The following DGCR6L variants were observed in gnomAD, a reference collection of about 807,000 sequenced individuals.
The protein encoded by DGCR6L is protein DGCR6L.
A neutral mutation model predicts 31.1 loss-of-function variants in DGCR6L; 24 were observed. That is an observed-to-expected ratio of 0.77 (90% confidence interval 0.56 to 1.08). The LOEUF is 1.08. Ranked by LOEUF, DGCR6L falls within the 50% of genes least tolerant of loss-of-function variation. DGCR6L has a pLI of 0.00. For missense variants in DGCR6L, 218 were observed against 287.1 expected, an observed-to-expected ratio of 0.76 and a Z score of 1.74; for synonymous variants, 104 against 126.1, an observed-to-expected ratio of 0.82 and a Z score of 1.17.
rs751078269 is a variant in DGCR6L at position 20,319,628 on chromosome 22, C to A, written c.271+11G>T. 6.2e-7 allele frequency: 1 copy of A among 1,610,314 alleles called. No homozygotes were observed. On this transcript the variant is annotated intron_variant, in intron 2 of 4. Transcript: ENST00000248879. ...GAGGAGGCGGCACCTCATCCCGCTG[C>A]CCCCGCGCACCTCGGTGCTCGTTCT...
chr22:20,316,955 C>A (rs1220980199), intron 2 of DGCR6L, among the ~76,000 whole-genome samples: 5 of 152,336 alleles, frequency 3.3e-5, no homozygotes, highest in African/African-American at 1.2e-4. Context: ...GATCATGGGA[C>A]ATAAACCACC....
rs757426984 is a variant in DGCR6L at position 20,315,034 on chromosome 22, G to A, written c.514-210C>T. The A allele has an allele frequency of 1.2e-5, 15 of 1,288,328 alleles. No homozygotes were observed. The African/African-American group carries it at 1.2e-4, about 10-fold the overall frequency. 79.8% of individuals were successfully genotyped at this position (1,288,328 alleles called of 1,614,324 possible). A position where few individuals can be genotyped will look rare whatever the true frequency, so the allele number is the denominator to read the frequency against. ...CCCCCAGCAGGGCCACTCGGAATCT[G>A]AGCCTCTGCCCCCAGCAGGGCCACT... On this transcript the variant is annotated intron_variant, in intron 4 of 4. Transcript: ENST00000248879.
chr22:20,319,742 G>C lies in DGCR6L; in HGVS notation c.168C>G (p.Leu56=). 6.2e-7 allele frequency: 1 copy of C among 1,612,812 alleles called. No individual in the cohort carries two copies. Residue 56 remains leucine (L), a synonymous_variant, in exon 2 of 5, where the codon CTC becomes CTG. Transcript: ENST00000248879. ...TTLSDLALAL[L]DGTVFEIVQG... is the part of the protein sequence containing the mutation. Reference sequence around the variant, plus strand: ...GCACGATTTCGAACACGGTGCCGTCGAGAAGCGCCAGGGCCAGGTCGCTGA... The same window carrying C: ...GCACGATTTCGAACACGGTGCCGTCCAGAAGCGCCAGGGCCAGGTCGCTGA...
intron 3 of DGCR6L, among the ~76,000 whole-genome samples, chr22:20,315,737 C>T (rs2051566565): frequency 6.6e-6 from 1 of 152,200 alleles, no homozygotes; most frequent in South Asian, 2.1e-4. Flanking sequence ...GCACACCCTG[C>T]CCCACGGCTT....
chr22:20,315,220 C>T (rs1286208647), intron 4 of DGCR6L, 116 bp downstream of exon 4: 1 of 1,538,090 alleles, frequency 6.5e-7, no homozygotes, highest in South Asian at 1.2e-5. Context: ...GAGCCTCAAT[C>T]CTTCCACTTC....
At chr22:20,319,176 C>T (rs576358491) in intron 2 of DGCR6L, among the ~76,000 whole-genome samples, 1 of 152,320 alleles carries the variant, frequency 6.6e-6, no homozygotes, top group African/African-American at 2.4e-5. Context: ...GGGAGGGCGC[C>T]ACAGGAGACA....
chr22:20,319,964 C>T lies in DGCR6L; in HGVS notation c.25G>A (p.Glu9Lys), dbSNP rs1345289041. The T allele has an allele frequency of 3.7e-6, 6 of 1,602,372 alleles. No individual in the cohort carries two copies. Among genetic ancestry groups the T allele is most frequent in the Non-Finnish European group, 5.1e-6 (6 of 1,176,152 alleles). MERYAAAL[E>K]EVADGARQQE... Reference sequence around the variant, plus strand: ...TGCCGGGCACCGTCCGCCACCTCCTCCAAGGCGGCCGCGTAGCGCTCCATG... The same window carrying T: ...TGCCGGGCACCGTCCGCCACCTCCTTCAAGGCGGCCGCGTAGCGCTCCATG... Residue 9 changes from glutamate to lysine, a missense_variant, in exon 1 of 5, where the codon GAG (glutamate) becomes AAG (lysine). Transcript: ENST00000248879.
rs777409901 is a variant in DGCR6L, at chr22:20,319,963, T to A, written c.26A>T (p.Glu9Val). MERYAAAL[E>V]EVADGARQQE... ...CTGCCGGGCACCGTCCGCCACCTCC[T>A]CCAAGGCGGCCGCGTAGCGCTCCAT... The change falls in exon 1 of 5, where the codon GAG becomes GTG. Residue 9 changes from glutamate (E) to valine (V), a missense_variant. This residue lies in a region of DGCR6L where 77 missense variants were observed against 71.2 expected (regional missense o/e 1.08). Coordinates refer to ENST00000248879, the MANE Select transcript of DGCR6L (RefSeq NM_033257.4). 11 of 1,603,314 alleles carry A rather than the reference T, an allele frequency of 6.9e-6. No individual in the cohort carries two copies. The highest frequency in any genetic ancestry group is 9.4e-6 in the Non-Finnish European group (11 of 1,176,446).
intron 2 of DGCR6L, among the ~76,000 whole-genome samples, chr22:20,319,204 G>A (rs574408476): frequency 2.6e-5 from 4 of 152,342 alleles, no homozygotes; most frequent in Admixed American, 2.6e-4. Flanking sequence ...GGAATTTGAT[G>A]TGCAACTGGA....
In DGCR6L at chr22:20,316,092, C is replaced by G. The variant is rs747466675; in HGVS notation, c.372+27G>C. 4 of 1,579,830 alleles carry G rather than the reference C, an allele frequency of 2.5e-6. No homozygotes were observed. The African/African-American group carries it at 5.4e-5, about 21-fold the overall frequency. The stretch of plus-strand genomic sequence containing the variant: ...GGTGGTGCCCACAGGAGAGCTGGGC[C>G]GGCCACCCTGCCTGCGCCCCCAGTA... On this transcript the variant is annotated intron_variant, in intron 3 of 4. Coordinates refer to ENST00000248879, the MANE Select transcript of DGCR6L (RefSeq NM_033257.4).
chr22:20,315,335 C>T lies in DGCR6L; in HGVS notation c.513+1G>A, dbSNP rs2051563614. The T allele has an allele frequency of 6.2e-7, 1 of 1,612,470 alleles. No homozygotes were observed. The highest frequency in any genetic ancestry group is 1.1e-5 in the South Asian group (1 of 90,848). ...AGGGCAGAGCAGGCCCAGGCACTGA[C>T]CTGTGGGTTGGTGGTCACGTAGAAG... is the stretch of plus-strand genomic sequence containing the variant. On this transcript the variant is annotated splice_donor_variant, in intron 4 of 4. Coordinates refer to ENST00000248879, the MANE Select transcript of DGCR6L (RefSeq NM_033257.4). LOFTEE classifies it high-confidence loss of function.
In DGCR6L at chr22:20,314,794, G is replaced by C. The variant is rs761182237; in HGVS notation, c.544C>G (p.Leu182Val). The C allele has an allele frequency of 1.2e-6, 2 of 1,611,932 alleles. No homozygotes were observed. The highest frequency in any genetic ancestry group is 1.3e-5 in the African/African-American group (1 of 74,890). Residue 182 changes from leucine to valine, a missense_variant, in exon 5 of 5, where the codon CTC (leucine) becomes GTC (valine). By Grantham distance (32) the Leu-to-Val change is conservative. Coordinates refer to ENST00000248879, the MANE Select transcript of DGCR6L (RefSeq NM_033257.4). ...CCCCTCTGCTGCAGCTTTCGGATGA[G>C]TTCCAGCAGGTTCATCTGCAGCATC... ...ELMLQMNLLE[L>V]IRKLQQRGCR... is the part of the protein sequence containing the mutation.
chr22:20,317,757 A>T (rs1318284022), intron 2 of DGCR6L, among the ~76,000 whole-genome samples: 1 of 152,278 alleles, frequency 6.6e-6, no homozygotes, highest in Non-Finnish European at 1.5e-5. Context: ...AGGTGCCTGG[A>T]GCGCCCCCAA....
At chr22:20,316,621 G>A (rs2051573240) in intron 2 of DGCR6L, among the ~76,000 whole-genome samples, 1 of 152,248 alleles carries the variant, frequency 6.6e-6, no homozygotes, top group African/African-American at 2.4e-5. Flanking sequence ...TGGGAAAGGA[G>A]CAGGAGGAGC....
chr22:20,317,324 T>TG (rs1218726337), intron 2 of DGCR6L, among the ~76,000 whole-genome samples: 17 of 152,298 alleles, frequency 1.1e-4, no homozygotes, highest in Non-Finnish European at 8.8e-5. Flanking sequence ...ACTCTACTGA[T>TG]CAAACATTGC....
chr22:20,318,820 A>G (rs1467330089), intron 2 of DGCR6L: 1 of 152,176 alleles, frequency 6.6e-6, no homozygotes. Flanking sequence ...CATCTCACCA[A>G]AAAGACTTAC....
At position 20,319,749 on chromosome 22, in the gene DGCR6L, G is replaced by T; in HGVS notation, c.161C>A (p.Ala54Glu). 6.2e-7 allele frequency: 1 copy of T among 1,612,670 alleles called. No homozygotes were observed. The change falls in exon 2 of 5, where the codon GCG becomes GAG. Residue 54 changes from alanine to glutamate, a missense_variant. By Grantham distance (107) the Ala-to-Glu change is moderately radical. This residue lies in a region of DGCR6L where 77 missense variants were observed against 71.2 expected (regional missense o/e 1.08). Transcript: ENST00000248879. Reference sequence around the variant, plus strand: ...TTCGAACACGGTGCCGTCGAGAAGCGCCAGGGCCAGGTCGCTGAGCGTGGT... The same window carrying T: ...TTCGAACACGGTGCCGTCGAGAAGCTCCAGGGCCAGGTCGCTGAGCGTGGT... ...SYTTLSDLALALLDGTVFEIV... is the reference protein window; with the variant it reads ...SYTTLSDLALELLDGTVFEIV...
At chr22:20,315,509 G>T in intron 3 of DGCR6L, 33 bp from the exon 4 acceptor site, 1 of 1,605,878 alleles carries the variant, frequency 6.2e-7, no homozygotes, top group South Asian at 1.1e-5. Flanking sequence ...AGGGGGAGAG[G>T]TGAGGGCAGC....
At chr22:20,315,195 C>T (rs1224953567) in intron 4 of DGCR6L, 141 bp downstream of exon 4, 13 of 1,528,230 alleles carry the variant, frequency 8.5e-6, no homozygotes, top group South Asian at 2.4e-5. Context: ...GGGAATGGCA[C>T]AGAAATCCTT....
Sources: allele counts gnomAD v4.1 joint callset (sites outside exome capture counted in the v4.1 genomes callset), GRCh38; gene constraint gnomAD v4.1.1; regional missense constraint gnomAD v4.1.1; transcripts MANE v1.5; gene names NCBI Gene and HGNC (gene_info 2026-07-23, HGNC 2026-07-21).